The following RERG variants were observed in gnomAD, a reference collection of about 807,000 sequenced individuals.
The protein encoded by RERG is RAS like estrogen regulated growth inhibitor.
In RERG, 25 loss-of-function variants were observed where a neutral mutation model predicts 23.2. The observed-to-expected ratio is 1.08, with a 90% CI of 0.79 to 1.50. The LOEUF (loss-of-function observed/expected upper bound fraction) is 1.50, where lower values mean the gene tolerates loss of function less well. Ranked by LOEUF, RERG falls within the 40% of genes most tolerant of loss-of-function variation. The probability of loss-of-function intolerance (pLI) is 0.00; values close to 1 mark genes in which losing one functional copy is unlikely to be tolerated. For synonymous variants in RERG, 81 were observed against 89.1 expected (o/e 0.91, Z 0.51); for missense variants, 253 against 250.1 (o/e 1.01, Z -0.08).
intron 2 of RERG, among the ~76,000 whole-genome samples, chr12:15,214,043 T>C (rs1036422877): frequency 1.4e-5 from 2 of 145,130 alleles, no homozygotes; most frequent in African/African-American, 2.5e-5. Flanking sequence ...TGTGTGCGCG[T>C]GTGTGGAGTT....
chr12:15,121,132 A>G lies in RERG; in HGVS notation c.62-13T>C, dbSNP rs1205470478. 6.2e-7 allele frequency: 1 copy of G among 1,609,564 alleles called. No individual in the cohort carries two copies. Among genetic ancestry groups the G allele is most frequent in the East Asian group, 2.2e-5 (1 of 44,846 alleles). On this transcript the variant is annotated splice_polypyrimidine_tract_variant and intron_variant, in intron 2 of 4. Coordinates refer to ENST00000256953, the MANE Select transcript of RERG (RefSeq NM_032918.3). The stretch of plus-strand genomic sequence containing the variant: ...CTCACTACAAGAGCTGTGGAAGAAA[A>G]GAGCAACATTTCAAAAAATAATTTG...
Position 15,109,007 on chromosome 12 carries a change from T to C in RERG, c.*103A>G. On this transcript the variant is annotated 3_prime_UTR_variant, in exon 5 of 5. Coordinates refer to ENST00000256953, the MANE Select transcript of RERG (RefSeq NM_032918.3). ...AGAAACAATGGGAAGCCCAGACATT[T>C]CTCAGAATCCAAACAAAGAATGCAA... is the stretch of plus-strand genomic sequence containing the variant. The C allele has an allele frequency of 8.2e-7, 1 of 1,223,244 alleles. No individual in the cohort carries two copies. Among genetic ancestry groups the C allele is most frequent in the Non-Finnish European group, 1.1e-6 (1 of 876,198 alleles). The allele number at this position is 1,223,244 out of a possible 1,614,324, so 75.8% of individuals were successfully genotyped here. A position where few individuals can be genotyped will look rare whatever the true frequency, so the allele number is the denominator to read the frequency against.
chr12:15,204,356 A>T (rs1865256749), intron 2 of RERG, among the ~76,000 whole-genome samples: 1 of 151,780 alleles, frequency 6.6e-6, no homozygotes, highest in South Asian at 2.1e-4. Flanking sequence ...AGAAAACTGA[A>T]TATTCAGTAT....
intron 3 of RERG, among the ~76,000 whole-genome samples, chr12:15,119,291 G>GT (rs905686342): frequency 5.2e-4 from 78 of 151,172 alleles, no homozygotes; most frequent in Middle Eastern, 3.5e-3. Flanking sequence ...ATTAATAGCA[G>GT]TTTTTTTTTC....
intron 2 of RERG, among the ~76,000 whole-genome samples, chr12:15,186,059 G>A (rs1864985694): frequency 1.3e-5 from 2 of 151,786 alleles, no homozygotes; most frequent in East Asian, 3.9e-4. Context: ...AACTGAGAAA[G>A]CCTGGAAAAC....
chr12:15,146,051 A>T (rs187214164), intron 2 of RERG, among the ~76,000 whole-genome samples: 178 of 152,316 alleles, frequency 1.2e-3, no homozygotes, highest in South Asian at 9.7e-3. Flanking sequence ...TGGAAAGATA[A>T]AACTAGATTT....
At chr12:15,138,971 C>A (rs572459809) in intron 2 of RERG, among the ~76,000 whole-genome samples, 30 of 122,302 alleles carry the variant, frequency 2.5e-4, no homozygotes, top group Non-Finnish European at 4.0e-4. Context: ...GTATATGATC[C>A]ATTTTGATTA....
At chr12:15,185,622 A>G (rs1334734737) in intron 2 of RERG, among the ~76,000 whole-genome samples, 4 of 152,136 alleles carry the variant, frequency 2.6e-5, no homozygotes, top group African/African-American at 9.7e-5. Flanking sequence ...GGGGAAAATA[A>G]TTATTTTAAA....
intron 2 of RERG, among the ~76,000 whole-genome samples, chr12:15,158,829 T>C (rs544852644): frequency 6.6e-6 from 1 of 152,296 alleles, no homozygotes; most frequent in Non-Finnish European, 1.5e-5. Context: ...GACATGAACT[T>C]TATTTTATTA....
chr12:15,156,198 A>G (rs1257571162), intron 2 of RERG, among the ~76,000 whole-genome samples: 1 of 152,228 alleles, frequency 6.6e-6, no homozygotes, highest in East Asian at 1.9e-4. Context: ...GAATGGAAAT[A>G]TCCATCATTT....
At chr12:15,122,943 C>T (rs112402135) in intron 2 of RERG, among the ~76,000 whole-genome samples, 15 of 152,052 alleles carry the variant, frequency 9.9e-5, no homozygotes, top group African/African-American at 2.4e-4. Flanking sequence ...GGATTGCAGG[C>T]GCGTGCCACC....
chr12:15,114,036 G>T (rs1016132965), intron 3 of RERG, among the ~76,000 whole-genome samples: 5 of 151,934 alleles, frequency 3.3e-5, no homozygotes, highest in Non-Finnish European at 7.4e-5. Context: ...AATAATGAAT[G>T]GTTCAATCAG....
intron 2 of RERG, chr12:15,154,278 T>C (rs1179755609): frequency 6.6e-6 from 1 of 152,198 alleles, no homozygotes; most frequent in Non-Finnish European, 1.5e-5. Flanking sequence ...GCACAGAAGC[T>C]TTGTTCAGAT....
At chr12:15,139,930 A>G (rs182358203) in intron 2 of RERG, among the ~76,000 whole-genome samples, 2 of 152,280 alleles carry the variant, frequency 1.3e-5, no homozygotes, top group Admixed American at 6.5e-5. Flanking sequence ...TCACCCCTCA[A>G]GTATACTATG....
At chr12:15,184,617 A>G (rs945985692) in intron 2 of RERG, among the ~76,000 whole-genome samples, 9 of 152,292 alleles carry the variant, frequency 5.9e-5, no homozygotes, top group Middle Eastern at 3.4e-3. Context: ...CTGGGAACAC[A>G]GTGTGTTTGA....
rs554379132 is a variant in RERG, at chr12:15,108,012, T to C, written c.*1098A>G. 1.3e-5 allele frequency: 2 copies of C among 152,740 alleles called. No individual in the cohort carries two copies. The highest frequency in any genetic ancestry group is 2.9e-5 in the Non-Finnish European group (2 of 67,990). 9.5% of individuals were successfully genotyped at this position (152,740 alleles called of 1,614,324 possible). ...GGCATAATGGGGGAGAAAAGAATCA[T>C]AAGGTTTTATCAGTTGTAGACTGTA... On this transcript the variant is annotated 3_prime_UTR_variant, in exon 5 of 5. Coordinates refer to ENST00000256953, the MANE Select transcript of RERG (RefSeq NM_032918.3).
At chr12:15,110,463 CTTTTTTTTTTT>C (rs869218147) in intron 4 of RERG, among the ~76,000 whole-genome samples, 22 of 73,148 alleles carry the variant, frequency 3.0e-4, no homozygotes, top group East Asian at 9.3e-4. Context: ...CCATTTTTTT[CTTTTTTTTTTT>C]TTTTTTTTTT....
chr12:15,201,738 TATTA>T (rs1865220286), intron 2 of RERG, among the ~76,000 whole-genome samples: 1 of 151,164 alleles, frequency 6.6e-6, no homozygotes, highest in African/African-American at 2.4e-5. Flanking sequence ...AATTAGCTAA[TATTA>T]ATTATTAGTA....
chr12:15,193,839 G>A (rs948570660), intron 2 of RERG, among the ~76,000 whole-genome samples: 4 of 152,054 alleles, frequency 2.6e-5, no homozygotes, highest in African/African-American at 2.4e-5. Flanking sequence ...GCCTTAGAAC[G>A]CTTTGGCTAT....
Sources: allele counts gnomAD v4.1 joint callset (sites outside exome capture counted in the v4.1 genomes callset), GRCh38; gene constraint gnomAD v4.1.1; transcripts MANE v1.5; gene names NCBI Gene and HGNC (gene_info 2026-07-23, HGNC 2026-07-21).